Variants in SNTG1 observed in about 807,000 individuals in gnomAD.
SNTG1 encodes syntrophin gamma 1.
In SNTG1, 39 loss-of-function variants were observed where a neutral mutation model predicts 74.7. That is an observed-to-expected ratio of 0.52 (90% CI 0.40 to 0.68). SNTG1 has a LOEUF of 0.68. SNTG1 is among the 30% of genes least tolerant of loss of function. The pLI is 0.00. For synonymous variants in SNTG1, 254 were observed against 217.1 expected, an observed-to-expected ratio of 1.17 and a Z score of -1.49; for missense variants, 685 against 609.5, an observed-to-expected ratio of 1.12 and a Z score of -1.30.
intron 15 of SNTG1, among the ~76,000 whole-genome samples, chr8:50,690,986 C>T (rs1199496907): frequency 1.3e-5 from 2 of 152,214 alleles, no homozygotes; most frequent in East Asian, 1.9e-4. Flanking sequence ...TGAATTGAAC[C>T]TTTTACCATT....
At chr8:50,028,138 C>T (rs1169273505) in intron 1 of SNTG1, among the ~76,000 whole-genome samples, 1 of 152,128 alleles carries the variant, frequency 6.6e-6, no homozygotes, top group African/African-American at 2.4e-5. Flanking sequence ...CCCACATACC[C>T]TAGCAACCAC....
At chr8:50,238,104 AC>A (rs769995241) in intron 2 of SNTG1, among the ~76,000 whole-genome samples, 10 of 152,270 alleles carry the variant, frequency 6.6e-5, no homozygotes, top group Non-Finnish European at 1.3e-4. Context: ...TATTCCTATC[AC>A]ACTACCAATG....
chr8:50,247,098 G>T (rs1350922742), intron 2 of SNTG1, among the ~76,000 whole-genome samples: 2 of 152,080 alleles, frequency 1.3e-5, no homozygotes, highest in Non-Finnish European at 2.9e-5. Flanking sequence ...TAAGGTGTTG[G>T]CTATTGTTTC....
Position 50,721,823 on chromosome 8 carries a change from T to C in SNTG1, c.1284+12845T>C, listed in dbSNP as rs141005551. Among the ~76,000 whole-genome samples the C allele has an allele frequency of 2.3e-4, 35 of 152,154 alleles. No homozygotes were observed. In the East Asian group the frequency reaches 6.6e-3, roughly 29 times the overall value. On this transcript the variant is annotated intron_variant, in intron 17 of 18. Transcript: ENST00000642720. ...GCTCTTGCAGGGATCAGAGATAACA[T>C]AGGAAAGGGCCCAGCACAGTGAATG...
chr8:50,674,273 T>C (rs1271760313), intron 15 of SNTG1, among the ~76,000 whole-genome samples: 2 of 152,152 alleles, frequency 1.3e-5, no homozygotes, highest in Non-Finnish European at 2.9e-5. Context: ...TTTGTACCTC[T>C]GGTAGAATTC....
chr8:50,648,142 T>C (rs1172416069), intron 13 of SNTG1, among the ~76,000 whole-genome samples: 3 of 152,158 alleles, frequency 2.0e-5, no homozygotes, highest in Non-Finnish European at 4.4e-5. Flanking sequence ...AACATGTAGA[T>C]ATATCCCTCA....
In SNTG1 at chr8:50,665,777, C is replaced by G. The variant is rs557701477; in HGVS notation, c.1038+7114C>G. On this transcript the variant is annotated intron_variant, in intron 15 of 18. Coordinates refer to ENST00000642720, the MANE Select transcript of SNTG1 (RefSeq NM_018967.5). ...AATAAATGTTAGCAATGGATTATAA[C>G]TCAGCAAATAAAATAGGAAACCATT... is the stretch of plus-strand genomic sequence containing the variant. 1.2e-3 allele frequency among the ~76,000 whole-genome samples: 180 copies of G among 152,138 alleles called. 2 individuals carry two copies. The highest frequency in any genetic ancestry group is 4.0e-3 in the African/African-American group (167 of 41,520).
chr8:50,780,551 C>T (rs541807790), intron 18 of SNTG1, among the ~76,000 whole-genome samples: 9 of 152,138 alleles, frequency 5.9e-5, no homozygotes, highest in Non-Finnish European at 1.0e-4. Flanking sequence ...GTGGTGATAT[C>T]CCCTTTATCA....
chr8:50,419,045 G>A (rs552409554), intron 4 of SNTG1, among the ~76,000 whole-genome samples: 1 of 152,240 alleles, frequency 6.6e-6, no homozygotes, highest in East Asian at 1.9e-4. Context: ...GAAAGGAACA[G>A]GGAGAAAGAC....
At chr8:50,748,084 A>T (rs1172909718) in intron 17 of SNTG1, among the ~76,000 whole-genome samples, 2 of 152,030 alleles carry the variant, frequency 1.3e-5, no homozygotes, top group Non-Finnish European at 2.9e-5. Flanking sequence ...GTTACCACTC[A>T]CCATTAAAAT....
chr8:50,429,001 T>C (rs1036210536), intron 4 of SNTG1, among the ~76,000 whole-genome samples: 1 of 152,058 alleles, frequency 6.6e-6, no homozygotes, highest in Non-Finnish European at 1.5e-5. Context: ...AGAGCCTAAA[T>C]AAATGAAAAG....
chr8:50,203,800 G>A lies in SNTG1; in HGVS notation c.-28+31165G>A, dbSNP rs137863172. Among the ~76,000 whole-genome samples, 1,243 of 151,784 alleles carry A rather than the reference G, an allele frequency of 8.2e-3. 20 individuals are homozygous for A. Among genetic ancestry groups the A allele is most frequent in the African/African-American group, 0.029 (1,188 of 41,380 alleles). ...TGTTTCTGTGTGTGTGTGTGTGTTC[G>A]TAATAAAATCTTGTTATATTTGTAC... is the stretch of plus-strand genomic sequence containing the variant. On this transcript the variant is annotated intron_variant, in intron 2 of 18. Transcript: ENST00000642720.
intron 18 of SNTG1, among the ~76,000 whole-genome samples, chr8:50,763,587 A>C (rs948214088): frequency 1.4e-4 from 21 of 150,106 alleles, no homozygotes; most frequent in African/African-American, 4.4e-4. Flanking sequence ...TTTGAAATAC[A>C]GTTTGAAGCC....
intron 17 of SNTG1, among the ~76,000 whole-genome samples, chr8:50,734,483 A>T (rs990438863): frequency 2.6e-5 from 4 of 151,274 alleles, no homozygotes; most frequent in East Asian, 3.9e-4. Context: ...TTCTCCCATC[A>T]TTATTGACAT....
chr8:50,446,559 A>G (rs1294986589), intron 5 of SNTG1, among the ~76,000 whole-genome samples: 1 of 152,022 alleles, frequency 6.6e-6, no homozygotes, highest in Non-Finnish European at 1.5e-5. Context: ...AGTGGCTGTA[A>G]TCCCAGCTAC....
At chr8:49,953,415 A>G (rs531234659) in intron 1 of SNTG1, among the ~76,000 whole-genome samples, 2 of 152,100 alleles carry the variant, frequency 1.3e-5, no homozygotes, top group Non-Finnish European at 2.9e-5. Flanking sequence ...GATGCTGCCC[A>G]TTGGCCATAT....
At chr8:50,161,986 T>C (rs2082431893) in intron 1 of SNTG1, among the ~76,000 whole-genome samples, 1 of 151,790 alleles carries the variant, frequency 6.6e-6, no homozygotes, top group African/African-American at 2.4e-5. Flanking sequence ...GAGAGGGGAA[T>C]GATATTTAGG....
At chr8:50,138,751 T>C (rs2081563309) in intron 1 of SNTG1, among the ~76,000 whole-genome samples, 1 of 151,678 alleles carries the variant, frequency 6.6e-6, no homozygotes, top group African/African-American at 2.4e-5. Flanking sequence ...TGCAGGCAGT[T>C]GTGTTTTTTC....
intron 13 of SNTG1, among the ~76,000 whole-genome samples, chr8:50,596,567 C>A (rs1302147589): frequency 6.6e-6 from 1 of 151,924 alleles, no homozygotes; most frequent in African/African-American, 2.4e-5. Context: ...TATTATTATT[C>A]CTCTACCAAA....
Sources: gnomAD v4.1 joint callset for allele counts (sites outside exome capture counted in the v4.1 genomes callset) on GRCh38, gnomAD v4.1.1 for gene constraint, MANE v1.5 for transcripts, NCBI Gene and HGNC (gene_info 2026-07-23, HGNC 2026-07-21) for gene names.